The following KCNH7 variants were observed in gnomAD, a reference collection of about 807,000 sequenced individuals.
The protein encoded by KCNH7 is potassium voltage-gated channel subfamily H member 7.
KCNH7 carries 49 observed loss-of-function variants against 120.8 expected under a neutral mutation model. That is an observed-to-expected ratio of 0.41 (90% CI 0.32 to 0.51). The LOEUF is 0.51. Ranked by LOEUF, KCNH7 falls within the 20% of genes least tolerant of loss-of-function variation. The pLI is 0.38. For missense variants in KCNH7, 1,097 were observed against 1,446.6 expected, an observed-to-expected ratio of 0.76 and a Z score of 3.92; for synonymous variants, 547 against 516.1, an observed-to-expected ratio of 1.06 and a Z score of -0.81.
chr2:162,756,410 A>T (rs1688791717), intron 2 of KCNH7, among the ~76,000 whole-genome samples: 1 of 152,044 alleles, frequency 6.6e-6, no homozygotes, highest in South Asian at 2.1e-4. Context: ...CACTTCTCCC[A>T]ATTATTTTAT....
rs1685944165 is a variant in KCNH7 at position 162,371,482 on chromosome 2, G to C, written c.*347C>G. On this transcript the variant is annotated 3_prime_UTR_variant, in exon 16 of 16. Transcript: ENST00000332142. ...CCTTGGTTTCTTATTTGCGTGGAAG[G>C]CATTTTCATAACGAAGTACTGGTTT... 3.2e-6 allele frequency: 4 copies of C among 1,249,880 alleles called. No homozygotes were observed. The highest frequency in any genetic ancestry group is 2.1e-6 in the Non-Finnish European group (2 of 969,446). The allele number at this position is 1,249,880 out of a possible 1,614,324, so 77.4% of individuals were successfully genotyped here.
At chr2:162,570,598 G>A (rs28772953) in intron 2 of KCNH7, among the ~76,000 whole-genome samples, 75,612 of 149,282 alleles carry the variant, frequency 0.51, 18,918 homozygotes, top group Admixed American at 0.6. Flanking sequence ...TATTTTGCTC[G>A]TTAGTTGATG....
chr2:162,581,872 G>A (rs537686075), intron 2 of KCNH7, among the ~76,000 whole-genome samples: 7 of 151,914 alleles, frequency 4.6e-5, no homozygotes, highest in African/African-American at 9.7e-5. Flanking sequence ...GCTACAAAGG[G>A]ACCCACCCAC....
rs144096436 is a variant in KCNH7 at position 162,573,379 on chromosome 2, G to T, written c.308-36299C>A. On this transcript the variant is annotated intron_variant, in intron 2 of 15. Transcript: ENST00000332142. ...AACTATTAAACATTTCCTGATGAAAGATATACAAAAATGAATAAAAAGTTT... is the reference window on the plus strand; with the variant it reads ...AACTATTAAACATTTCCTGATGAAATATATACAAAAATGAATAAAAAGTTT... 2.6e-3 allele frequency among the ~76,000 whole-genome samples: 401 copies of T among 151,938 alleles called. 4 individuals are homozygous for T. The highest frequency in any genetic ancestry group is 9.0e-3 in the African/African-American group (374 of 41,492).
intron 2 of KCNH7, chr2:162,797,193 G>T (rs1684176956): frequency 6.6e-6 from 1 of 152,036 alleles, no homozygotes; most frequent in Non-Finnish European, 1.5e-5. Context: ...GTGAATTTGG[G>T]TTTCGTCTCA....
At chr2:162,533,296 A>T (rs1471157059) in intron 3 of KCNH7, among the ~76,000 whole-genome samples, 1 of 151,834 alleles carries the variant, frequency 6.6e-6, no homozygotes, top group Non-Finnish European at 1.5e-5. Flanking sequence ...ATATGTTAGT[A>T]TCAAGAAAAC....
intron 15 of KCNH7, among the ~76,000 whole-genome samples, chr2:162,372,616 C>T (rs1056060323): frequency 5.3e-5 from 8 of 151,998 alleles, no homozygotes; most frequent in Non-Finnish European, 7.4e-5. Context: ...AGAAGTATTG[C>T]GTTATTTTCC....
At chr2:162,560,543 A>G (rs971650909) in intron 2 of KCNH7, among the ~76,000 whole-genome samples, 1 of 152,204 alleles carries the variant, frequency 6.6e-6, no homozygotes, top group African/African-American at 2.4e-5. Flanking sequence ...AAGATAATGT[A>G]TCATGCCCAA....
intron 2 of KCNH7, among the ~76,000 whole-genome samples, chr2:162,669,626 T>G (rs1383408498): frequency 6.6e-6 from 1 of 152,168 alleles, no homozygotes; most frequent in Non-Finnish European, 1.5e-5. Flanking sequence ...ATTCAGAGAA[T>G]ATGAGAATAT....
At chr2:162,498,296 T>G (rs1277035252) in intron 6 of KCNH7, among the ~76,000 whole-genome samples, 1 of 150,736 alleles carries the variant, frequency 6.6e-6, no homozygotes, top group African/African-American at 2.4e-5. Context: ...TATTGTTACT[T>G]TCATAATATG....
Position 162,670,470 on chromosome 2 carries a change from CA to C in KCNH7, c.308-133391del, listed in dbSNP as rs61610131. ...CCTGGGCAACAAGAGCGAACTCTGT[CA>C]AAAAAAAAAAAAAAAAAAAAAGAAA... On this transcript the variant is annotated intron_variant, in intron 2 of 15. Transcript: ENST00000332142. Among the ~76,000 whole-genome samples, 396 of 48,218 alleles carry C rather than the reference CA, an allele frequency of 8.2e-3. 4 individuals carry two copies. Among genetic ancestry groups the C allele is most frequent in the East Asian group, 0.049 (86 of 1,768 alleles). 31.6% of individuals were successfully genotyped at this position (48,218 alleles called of 152,430 possible).
At chr2:162,626,251 T>C (rs573549559) in intron 2 of KCNH7, among the ~76,000 whole-genome samples, 1 of 152,256 alleles carries the variant, frequency 6.6e-6, no homozygotes, top group Admixed American at 6.5e-5. Context: ...AATAAATATT[T>C]AGACACAGAA....
intron 2 of KCNH7, among the ~76,000 whole-genome samples, chr2:162,831,632 T>C (rs1001325196): frequency 3.3e-5 from 5 of 152,112 alleles, no homozygotes; most frequent in Non-Finnish European, 7.4e-5. Context: ...CAGCAATGGA[T>C]TCAGAGATTA....
At chr2:162,407,135 A>G (rs1687251914) in intron 9 of KCNH7, among the ~76,000 whole-genome samples, 1 of 152,040 alleles carries the variant, frequency 6.6e-6, no homozygotes, top group Admixed American at 6.6e-5. Flanking sequence ...GCATTATGGA[A>G]TCCACAACTG....
At chr2:162,501,806 A>G (rs1345012884) in intron 6 of KCNH7, among the ~76,000 whole-genome samples, 2 of 152,108 alleles carry the variant, frequency 1.3e-5, no homozygotes, top group Admixed American at 1.3e-4. Flanking sequence ...AAATGCCATC[A>G]TGCTGGTGAT....
Position 162,836,549 on chromosome 2 carries a change from A to C in KCNH7, c.295T>G (p.Tyr99Asp). 1 of 1,613,034 alleles carries C rather than the reference A, an allele frequency of 6.2e-7. No homozygotes were observed. Among genetic ancestry groups the C allele is most frequent in the Non-Finnish European group, 8.5e-7 (1 of 1,179,062 alleles). The stretch of plus-strand genomic sequence containing the variant: ...AGAGGAATTTTACCATTTTTGTGAT[A>C]GTAGGTGACCTCCACTTTCCTCTCT... ...SEERKVEVTY[Y>D]HKNGSTFICN... The change falls in exon 2 of 16, where the codon TAT becomes GAT. Residue 99 changes from tyrosine to aspartate, a missense_variant. By Grantham distance (160) the Tyr-to-Asp change is radical. Transcript: ENST00000332142.
At chr2:162,379,810 A>T in intron 14 of KCNH7, 43 bp downstream of exon 14, 2 of 1,592,172 alleles carry the variant, frequency 1.3e-6, no homozygotes, top group Non-Finnish European at 1.7e-6. Context: ...GACCCATGTA[A>T]GGGGTTGGGT....
intron 14 of KCNH7, among the ~76,000 whole-genome samples, chr2:162,373,981 A>C (rs982819359): frequency 6.6e-6 from 1 of 152,164 alleles, no homozygotes; most frequent in African/African-American, 2.4e-5. Flanking sequence ...TTAATCAGTA[A>C]TTGTCTTTGC....
chr2:162,614,015 T>C (rs1683059750), intron 2 of KCNH7, among the ~76,000 whole-genome samples: 1 of 151,786 alleles, frequency 6.6e-6, no homozygotes, highest in South Asian at 2.1e-4. Context: ...AAACTGAGCC[T>C]CTTACCCACT....
Sources: allele counts gnomAD v4.1 joint callset (sites outside exome capture counted in the v4.1 genomes callset), GRCh38; gene constraint gnomAD v4.1.1; transcripts MANE v1.5; gene names NCBI Gene and HGNC (gene_info 2026-07-23, HGNC 2026-07-21).